Variants in GSE1 observed in about 807,000 individuals in gnomAD.
GSE1 encodes the protein genetic suppressor element 1.
In GSE1, 32 loss-of-function variants were observed where a neutral mutation model predicts 112.6. The ratio of observed to expected loss-of-function variants is 0.28; its 90% confidence interval spans 0.21 to 0.38. The LOEUF is 0.38. GSE1 is among the 10% of genes least tolerant of loss of function. The pLI is 1.00. For missense variants in GSE1, 2,348 were observed against 1,699.2 expected, an observed-to-expected ratio of 1.38 and a Z score of -6.71; for synonymous variants, 1,115 against 735.6, an observed-to-expected ratio of 1.52 and a Z score of -8.35.
In GSE1 at chr16:85,471,640, T is replaced by C. The variant is rs551593809; in HGVS notation, c.2464+113997T>C. ...TGTTGCCCAGACTGGTCTTGAACTC[T>C]TGGGCTTAAGCAATCTGCCCTACCA... On this transcript the variant is annotated intron_variant, in intron 2 of 2. Coordinates refer to the GSE1 transcript ENST00000637419. Among the ~76,000 whole-genome samples the C allele has an allele frequency of 8.1e-4, 123 of 152,324 alleles. 1 individual carries two copies. The highest frequency in any genetic ancestry group is 2.9e-3 in the African/African-American group (119 of 41,568).
At chr16:85,421,681 C>G (rs1025733946) in intron 2 of GSE1, among the ~76,000 whole-genome samples, 1 of 152,066 alleles carries the variant, frequency 6.6e-6, no homozygotes. Flanking sequence ...TTCCAGGTAC[C>G]ATTTGTTCCT....
chr16:85,176,060 C>G (rs1007821477), intron 1 of GSE1, among the ~76,000 whole-genome samples: 1 of 152,142 alleles, frequency 6.6e-6, no homozygotes, highest in Non-Finnish European at 1.5e-5. Flanking sequence ...ACAATGTGCA[C>G]TCACTGCAGC....
intron 1 of GSE1, among the ~76,000 whole-genome samples, chr16:85,563,748 A>T (rs1245636282): frequency 1.3e-5 from 2 of 152,170 alleles, no homozygotes; most frequent in African/African-American, 4.8e-5. Context: ...TCAGGAAGTC[A>T]CGGAACATTG....
Position 85,661,387 on chromosome 16 carries a change from G to T in GSE1, c.1882G>T (p.Val628Phe). The T allele has an allele frequency of 1.1e-5, 18 of 1,612,366 alleles. No individual in the cohort carries two copies. Among genetic ancestry groups the T allele is most frequent in the Non-Finnish European group, 1.5e-5 (18 of 1,179,744 alleles). ...AAVPLVKVER[V>F]FCPEKAEEGP... is the part of the protein sequence containing the mutation. The stretch of plus-strand genomic sequence containing the variant: ...CGTGCCGCTGGTGAAGGTGGAGCGG[G>T]TCTTCTGCCCGGAGAAAGCAGAGGA... The change falls in exon 9 of 16, where the codon GTC (valine) becomes TTC (phenylalanine). Residue 628 changes from valine (V) to phenylalanine (F), a missense_variant. By Grantham distance (50) the Val-to-Phe change is conservative. Transcript: ENST00000253458.
At chr16:85,580,259 C>G (rs2046394588) in intron 1 of GSE1, 1 of 152,516 alleles carries the variant, frequency 6.6e-6, no homozygotes, top group Admixed American at 6.5e-5. Context: ...TCTGGGCTGT[C>G]CCGATGATGT....
At chr16:85,477,074 C>T (rs916616473) in intron 2 of GSE1, among the ~76,000 whole-genome samples, 20 of 151,908 alleles carry the variant, frequency 1.3e-4, no homozygotes, top group Non-Finnish European at 2.1e-4. Context: ...GACAGGTGTA[C>T]GCACCACCAT....
chr16:85,545,934 C>T (rs867482607), intron 2 of GSE1, among the ~76,000 whole-genome samples: 5 of 151,954 alleles, frequency 3.3e-5, no homozygotes, highest in African/African-American at 9.7e-5. Context: ...AGGCGCCCGC[C>T]ACCACACTCG....
intron 1 of GSE1, among the ~76,000 whole-genome samples, chr16:85,189,102 A>G (rs139576075): frequency 1.3e-5 from 2 of 152,308 alleles, no homozygotes; most frequent in East Asian, 3.9e-4. Flanking sequence ...TGTTCCCACC[A>G]TTAAGTCTTG....
intron 1 of GSE1, among the ~76,000 whole-genome samples, chr16:85,574,507 C>T (rs994885961): frequency 6.6e-6 from 1 of 152,184 alleles, no homozygotes. Flanking sequence ...TTGTCCCTTC[C>T]GCCTCGGACG....
At chr16:85,322,073 T>C (rs2046119838) in intron 1 of GSE1, among the ~76,000 whole-genome samples, 1 of 152,222 alleles carries the variant, frequency 6.6e-6, no homozygotes, top group African/African-American at 2.4e-5. Flanking sequence ...GGAAGGTGCC[T>C]GAGGCTCTGC....
chr16:85,317,219 TG>T (rs2046004096), intron 1 of GSE1, among the ~76,000 whole-genome samples: 1 of 152,182 alleles, frequency 6.6e-6, no homozygotes, highest in African/African-American at 2.4e-5. Flanking sequence ...GCACCTCCTT[TG>T]GGTGTGGACG....
intron 1 of GSE1, among the ~76,000 whole-genome samples, chr16:85,331,543 G>GTATATA: frequency 7.9e-6 from 1 of 126,266 alleles, no homozygotes; most frequent in African/African-American, 2.8e-5. Flanking sequence ...ATGTGTATAT[G>GTATATA]TGTGTATATA....
At position 85,311,688 on chromosome 16, in the gene GSE1, G is replaced by C. The variant is rs2045853069; in HGVS notation, c.2284-45775G>C. Reference sequence around the variant, plus strand: ...GTGGCTCTGTCTGTGGCTCTCTTGGGGCCCTGGATACCTCCTGCCTGCTTC... The same window carrying C: ...GTGGCTCTGTCTGTGGCTCTCTTGGCGCCCTGGATACCTCCTGCCTGCTTC... On this transcript the variant is annotated intron_variant, in intron 1 of 2. Transcript: ENST00000637419. The surrounding 1 kb of genome is among the most constrained non-coding windows in gnomAD (Gnocchi z 4.2). 6.6e-6 allele frequency among the ~76,000 whole-genome samples: 1 copy of C among 152,096 alleles called. No homozygotes were observed. Among genetic ancestry groups the C allele is most frequent in the African/African-American group, 2.4e-5 (1 of 41,402 alleles).
At chr16:85,239,371 G>T (rs1432085530) in intron 1 of GSE1, among the ~76,000 whole-genome samples, 2 of 152,242 alleles carry the variant, frequency 1.3e-5, no homozygotes, top group Non-Finnish European at 2.9e-5. Context: ...TGTGAGGCAG[G>T]GCATGTGAGC....
chr16:85,472,728 C>T (rs1489628068), intron 2 of GSE1, among the ~76,000 whole-genome samples: 7 of 152,168 alleles, frequency 4.6e-5, no homozygotes, highest in East Asian at 3.9e-4. Context: ...CTTCTGCCAC[C>T]GGGAAATGAC....
intron 2 of GSE1, among the ~76,000 whole-genome samples, chr16:85,466,857 C>G (rs188809193): frequency 8.7e-4 from 132 of 152,152 alleles, no homozygotes; most frequent in African/African-American, 2.9e-3. Flanking sequence ...GTGAGGAGTT[C>G]GAGACCAGCC....
intron 2 of GSE1, among the ~76,000 whole-genome samples, chr16:85,450,787 A>G (rs995949037): frequency 2.7e-5 from 4 of 149,812 alleles, no homozygotes; most frequent in Admixed American, 2.7e-4. Context: ...TTGGCCGGGC[A>G]CGGTGGTTCA....
chr16:85,247,236 T>TAGGG (rs1363522531), intron 1 of GSE1, among the ~76,000 whole-genome samples: 3 of 152,210 alleles, frequency 2.0e-5, no homozygotes, highest in Admixed American at 2.0e-4. Flanking sequence ...TGTGTCTCCC[T>TAGGG]GTCCATGCTC....
intron 2 of GSE1, among the ~76,000 whole-genome samples, chr16:85,448,789 G>A (rs1036580905): frequency 3.3e-5 from 5 of 152,236 alleles, no homozygotes; most frequent in African/African-American, 7.2e-5. Context: ...TTATGAAAGA[G>A]GCAGGCGGCA....
Sources: gnomAD v4.1 joint callset for allele counts (sites outside exome capture counted in the v4.1 genomes callset) on GRCh38, gnomAD v4.1.1 for gene constraint, Gnocchi (gnomAD v3.1) non-coding constraint, MANE v1.5 for transcripts, NCBI Gene and HGNC (gene_info 2026-07-23, HGNC 2026-07-21) for gene names.